Variants in VTI1A observed in about 807,000 individuals in gnomAD.
The protein encoded by VTI1A is vesicle transport through interaction with t-SNAREs homolog 1A.
VTI1A carries 22 observed loss-of-function variants against 34.9 expected under a neutral mutation model. The observed-to-expected ratio is 0.63, with a 90% CI of 0.45 to 0.90. The LOEUF is 0.90. Among genes scored for constraint, VTI1A ranks in the 40% least tolerant of loss-of-function variants. VTI1A has a pLI of 0.00. For missense variants in VTI1A, 268 were observed against 275.6 expected (o/e 0.97, Z 0.20); for synonymous variants, 87 against 97.3 (o/e 0.89, Z 0.62).
chr10:112,671,806 ACTCATG>A (rs1226202409), intron 7 of VTI1A: 3 of 152,086 alleles, frequency 2.0e-5, no homozygotes, highest in African/African-American at 7.2e-5. Context: ...ATCATCTACC[ACTCATG>A]CTTTTTAATA....
At chr10:112,607,453 T>C (rs1845128516) in intron 5 of VTI1A, among the ~76,000 whole-genome samples, 1 of 152,042 alleles carries the variant, frequency 6.6e-6, no homozygotes, top group Non-Finnish European at 1.5e-5. Context: ...CACCAACAAC[T>C]CCAGGAGCAG....
intron 5 of VTI1A, 80 bp downstream of exon 5, chr10:112,538,410 A>G: frequency 1.5e-6 from 2 of 1,352,982 alleles, no homozygotes; most frequent in Non-Finnish European, 2.1e-6. Flanking sequence ...GGGAAACTTC[A>G]AAGGAGTAGC....
intron 7 of VTI1A, among the ~76,000 whole-genome samples, chr10:112,807,078 A>G (rs563146078): frequency 2.4e-4 from 37 of 152,308 alleles, no homozygotes; most frequent in Admixed American, 2.2e-3. Context: ...GCTGCATGCA[A>G]AGCTTCTGTG....
Position 112,815,916 on chromosome 10 carries a change from A to G in VTI1A, c.*533A>G, listed in dbSNP as rs1462360197. ...CAACCTGCCTGAGTGCTTTCATTGT[A>G]AAGGTCGGTATTTAATGTCGGTTGT... On this transcript the variant is annotated 3_prime_UTR_variant, in exon 8 of 8. Transcript: ENST00000393077. 2 of 231,338 alleles carry G rather than the reference A, an allele frequency of 8.6e-6. No individual in the cohort carries two copies. 14.3% of individuals were successfully genotyped at this position (231,338 alleles called of 1,614,324 possible).
At chr10:112,702,409 A>AT (rs1226043611) in intron 7 of VTI1A, among the ~76,000 whole-genome samples, 2 of 151,998 alleles carry the variant, frequency 1.3e-5, no homozygotes, top group Non-Finnish European at 2.9e-5. Flanking sequence ...TAGTGCCCTG[A>AT]TTTTTTTGCT....
At chr10:112,697,687 C>T (rs543283283) in intron 7 of VTI1A, among the ~76,000 whole-genome samples, 3 of 152,146 alleles carry the variant, frequency 2.0e-5, no homozygotes, top group East Asian at 1.9e-4. Flanking sequence ...TGAGCCACCG[C>T]GCCCAGCCTT....
At chr10:112,450,792 T>C (rs998456045) in intron 1 of VTI1A, 1 of 152,244 alleles carries the variant, frequency 6.6e-6, no homozygotes, top group Non-Finnish European at 1.5e-5. Context: ...TAATACCCTA[T>C]GGCACTATAT....
At chr10:112,691,702 C>T (rs1400700548) in intron 7 of VTI1A, among the ~76,000 whole-genome samples, 1 of 152,164 alleles carries the variant, frequency 6.6e-6, no homozygotes, top group Non-Finnish European at 1.5e-5. Flanking sequence ...AAGTCCTGTC[C>T]TCTTTCCTGA....
At chr10:112,580,888 G>A (rs774188344) in intron 5 of VTI1A, among the ~76,000 whole-genome samples, 4 of 152,152 alleles carry the variant, frequency 2.6e-5, no homozygotes, top group African/African-American at 9.7e-5. Context: ...GAATAACTAC[G>A]TACTGGAATT....
chr10:112,822,740 T>C (rs1434790761), downstream of VTI1A, among the ~76,000 whole-genome samples: 1 of 152,208 alleles, frequency 6.6e-6, no homozygotes, highest in East Asian at 1.9e-4. Flanking sequence ...ACTAGAGGGC[T>C]TCACTGAGCT....
chr10:112,725,578 A>G (rs67491479), intron 7 of VTI1A, among the ~76,000 whole-genome samples: 25,046 of 152,228 alleles, frequency 0.16, 2,334 homozygotes, highest in Middle Eastern at 0.24. Flanking sequence ...GCCAACATTC[A>G]TTAGGGATTA....
At chr10:112,447,506 A>G (rs773276803) in intron 1 of VTI1A, 39 bp downstream of exon 1, 1 of 1,605,420 alleles carries the variant, frequency 6.2e-7, no homozygotes, top group Admixed American at 1.7e-5. Context: ...TGCTGGGGAG[A>G]GCTGGGAGGG....
At chr10:112,629,177 G>A (rs375123386) in intron 5 of VTI1A, among the ~76,000 whole-genome samples, 78 of 152,360 alleles carry the variant, frequency 5.1e-4, no homozygotes, top group African/African-American at 1.6e-3. Context: ...CTTGTCCAGC[G>A]CTGTCATCAT....
chr10:112,568,360 A>C (rs1441261261), intron 5 of VTI1A, among the ~76,000 whole-genome samples: 2 of 152,058 alleles, frequency 1.3e-5, no homozygotes, highest in Non-Finnish European at 1.5e-5. Flanking sequence ...TACAAAAATT[A>C]GCTGGGCATG....
At chr10:112,677,366 A>G (rs1448859886) in intron 7 of VTI1A, among the ~76,000 whole-genome samples, 2 of 152,296 alleles carry the variant, frequency 1.3e-5, no homozygotes, top group Non-Finnish European at 1.5e-5. Context: ...GATCTTTCAC[A>G]GCAGCTTGTA....
intron 5 of VTI1A, among the ~76,000 whole-genome samples, chr10:112,636,295 G>A (rs986548422): frequency 4.6e-5 from 7 of 152,112 alleles, no homozygotes; most frequent in African/African-American, 7.2e-5. Context: ...TTCAATACCA[G>A]GGCTTTATAT....
intron 5 of VTI1A, among the ~76,000 whole-genome samples, chr10:112,544,324 G>A (rs1240473379): frequency 2.0e-5 from 3 of 152,114 alleles, no homozygotes; most frequent in African/African-American, 7.2e-5. Context: ...TCCACCTCCT[G>A]GTTCAAGTGA....
chr10:112,645,690 AC>A (rs1169594599), intron 5 of VTI1A, among the ~76,000 whole-genome samples: 1 of 152,168 alleles, frequency 6.6e-6, no homozygotes, highest in Non-Finnish European at 1.5e-5. Context: ...GGAATAAATA[AC>A]TTCTAAAACG....
chr10:112,706,416 G>GA (rs1276337809), intron 7 of VTI1A, among the ~76,000 whole-genome samples: 1 of 152,182 alleles, frequency 6.6e-6, no homozygotes, highest in Non-Finnish European at 1.5e-5. Flanking sequence ...GTTAATCAAT[G>GA]TGTGCTAATT....
Sources: gnomAD v4.1 joint callset for allele counts (sites outside exome capture counted in the v4.1 genomes callset) on GRCh38, gnomAD v4.1.1 for gene constraint, MANE v1.5 for transcripts, NCBI Gene and HGNC (gene_info 2026-07-23, HGNC 2026-07-21) for gene names.